Variants in SHC4 observed in about 807,000 individuals in gnomAD.
SHC4 encodes the protein SHC-transforming protein 4.
In SHC4, 41 loss-of-function variants were observed where a neutral mutation model predicts 69.4. The observed-to-expected ratio is 0.59, with a 90% CI of 0.46 to 0.77. The LOEUF is 0.77. Ranked by LOEUF, SHC4 falls within the 30% of genes least tolerant of loss-of-function variation. SHC4 has a pLI of 0.00. For synonymous variants in SHC4, 318 were observed against 299.3 expected, an observed-to-expected ratio of 1.06 and a Z score of -0.64; for missense variants, 777 against 783.8, an observed-to-expected ratio of 0.99 and a Z score of 0.10.
chr15:48,910,310 T>C (rs1463208702), intron 2 of SHC4, among the ~76,000 whole-genome samples: 2 of 152,136 alleles, frequency 1.3e-5, no homozygotes, highest in Non-Finnish European at 2.9e-5. Context: ...TTTCCAGGAA[T>C]GTATCTATCT....
intron 1 of SHC4, among the ~76,000 whole-genome samples, chr15:48,953,148 T>C (rs1053193235): frequency 4.6e-5 from 7 of 152,206 alleles, no homozygotes; most frequent in African/African-American, 1.7e-4. Flanking sequence ...CCATTATCCT[T>C]AGCAAACTAA....
At position 48,825,028 on chromosome 15, in the gene SHC4, A is replaced by C. The variant is rs1898658833; in HGVS notation, c.*943T>G. On this transcript the variant is annotated 3_prime_UTR_variant, in exon 12 of 12. Transcript: ENST00000332408. ...GATTCAGTGTCAGCCAATCAAGAAGAAATTTTACTATAATTTCAAATAGAT... is the reference window on the plus strand; with the variant it reads ...GATTCAGTGTCAGCCAATCAAGAAGCAATTTTACTATAATTTCAAATAGAT... 6.6e-6 allele frequency: 1 copy of C among 152,634 alleles called. No individual in the cohort carries two copies. Among genetic ancestry groups the C allele is most frequent in the Non-Finnish European group, 1.5e-5 (1 of 68,040 alleles). The allele number at this position is 152,634 out of a possible 1,614,324, so 9.5% of individuals were successfully genotyped here. A position where few individuals can be genotyped will look rare whatever the true frequency, so the allele number is the denominator to read the frequency against.
intron 1 of SHC4, among the ~76,000 whole-genome samples, chr15:48,944,277 T>G (rs906585709): frequency 2.0e-5 from 3 of 151,844 alleles, no homozygotes; most frequent in Admixed American, 2.0e-4. Context: ...TTTGTTCCTT[T>G]TCCTTTCCCT....
At chr15:48,826,792 C>T (rs922445452) in intron 11 of SHC4, among the ~76,000 whole-genome samples, 2 of 152,196 alleles carry the variant, frequency 1.3e-5, no homozygotes, top group Admixed American at 6.5e-5. Flanking sequence ...CTGTCAGAAG[C>T]AGGCCTTTCT....
chr15:48,866,241 C>T (rs1365520269), intron 6 of SHC4, among the ~76,000 whole-genome samples: 1 of 152,116 alleles, frequency 6.6e-6, no homozygotes, highest in Non-Finnish European at 1.5e-5. Flanking sequence ...TGCCCTGTTC[C>T]TACATTCCCA....
rs1369911193 is a variant in SHC4, at chr15:48,824,971, G to C, written c.*1000C>G. 3.3e-5 allele frequency: 5 copies of C among 152,176 alleles called. No homozygotes were observed. The highest frequency in any genetic ancestry group is 4.8e-5 in the African/African-American group (2 of 41,292). The allele number at this position is 152,176 out of a possible 1,614,324, so 9.4% of individuals were successfully genotyped here. A position where few individuals can be genotyped will look rare whatever the true frequency, so the allele number is the denominator to read the frequency against. On this transcript the variant is annotated 3_prime_UTR_variant, in exon 12 of 12. Coordinates refer to ENST00000332408, the MANE Select transcript of SHC4 (RefSeq NM_203349.4). ...ATTTTGTCTGATCATATCTATACGA[G>C]GTGCTAAGGATATATGTAGGTGAGA...
At chr15:48,924,370 C>T (rs1198508923) in intron 2 of SHC4, among the ~76,000 whole-genome samples, 1 of 152,184 alleles carries the variant, frequency 6.6e-6, no homozygotes, top group Non-Finnish European at 1.5e-5. Context: ...CTGATTTCTT[C>T]CCCTAAGCTC....
In SHC4 at chr15:48,838,141, ATGTT is replaced by A. The variant is rs1898930815; in HGVS notation, c.1484-3123_1484-3120del. On this transcript the variant is annotated intron_variant, in intron 10 of 11. Coordinates refer to ENST00000332408, the MANE Select transcript of SHC4 (RefSeq NM_203349.4). ...AGCAATTTAAAATAGTGAAGATTGTATGTTTATACAGACACATTTCTAAAAGAGA... is the reference window on the plus strand; with the variant it reads ...AGCAATTTAAAATAGTGAAGATTGTATATACAGACACATTTCTAAAAGAGA... Among the ~76,000 whole-genome samples the A allele has an allele frequency of 3.3e-5, 5 of 152,376 alleles. No individual in the cohort carries two copies. In the South Asian group the frequency reaches 1.0e-3, roughly 32 times the overall value.
At chr15:48,957,065 C>A (rs1901469393) in intron 1 of SHC4, among the ~76,000 whole-genome samples, 1 of 148,358 alleles carries the variant, frequency 6.7e-6, no homozygotes, top group African/African-American at 2.5e-5. Context: ...ACAATCTCCA[C>A]TTCCCAGGTT....
Position 48,836,087 on chromosome 15 carries a change from G to C in SHC4, c.1484-1065C>G, listed in dbSNP as rs565820026. ...ACGTGCCTGCAGTCCCAGCTACTTGGGGGGCTGAGACAAGAGAATCGCTTA... is the reference window on the plus strand; with the variant it reads ...ACGTGCCTGCAGTCCCAGCTACTTGCGGGGCTGAGACAAGAGAATCGCTTA... On this transcript the variant is annotated intron_variant, in intron 10 of 11. Coordinates refer to ENST00000332408, the MANE Select transcript of SHC4 (RefSeq NM_203349.4). 3.0e-3 allele frequency among the ~76,000 whole-genome samples: 459 copies of C among 151,470 alleles called. 2 individuals are homozygous for C. Among genetic ancestry groups the C allele is most frequent in the Non-Finnish European group, 4.6e-3 (309 of 67,912 alleles).
In SHC4 at chr15:48,863,119, T is replaced by C. The variant is rs183746162; in HGVS notation, c.946+4699A>G. ...TTTCTGATTTCATTATTTTAAAACA[T>C]TTATTCAAAGGTTTTGGATATTTTT... On this transcript the variant is annotated intron_variant, in intron 6 of 11. Coordinates refer to ENST00000332408, the MANE Select transcript of SHC4 (RefSeq NM_203349.4). 5.8e-4 allele frequency among the ~76,000 whole-genome samples: 85 copies of C among 147,334 alleles called. No individual in the cohort carries two copies. The East Asian group carries it at 0.017, about 29-fold the overall frequency.
At chr15:48,888,767 T>C (rs1046335773) in intron 3 of SHC4, among the ~76,000 whole-genome samples, 11 of 151,216 alleles carry the variant, frequency 7.3e-5, no homozygotes, top group African/African-American at 2.4e-4. Context: ...TGGTGGCACA[T>C]GATTGCAATC....
intron 2 of SHC4, among the ~76,000 whole-genome samples, chr15:48,912,126 T>C: frequency 6.6e-6 from 1 of 152,234 alleles, no homozygotes; most frequent in Admixed American, 6.5e-5. Flanking sequence ...TTTGGATGTC[T>C]AGGTCTCTAG....
At chr15:48,893,590 T>C (rs896454384) in intron 2 of SHC4, among the ~76,000 whole-genome samples, 20 of 152,294 alleles carry the variant, frequency 1.3e-4, no homozygotes, top group Admixed American at 1.2e-3. Context: ...GGAGAAATCA[T>C]TTGGCTTTTT....
intron 6 of SHC4, among the ~76,000 whole-genome samples, chr15:48,861,859 G>C (rs571811115): frequency 2.0e-5 from 3 of 152,312 alleles, no homozygotes; most frequent in Middle Eastern, 3.4e-3. Context: ...TCATAAACAA[G>C]AGGATTACAA....
In SHC4 at chr15:48,902,305, T is replaced by G. The variant is rs116925037; in HGVS notation, c.657-11494A>C. Among the ~76,000 whole-genome samples, 1,399 of 152,234 alleles carry G rather than the reference T, an allele frequency of 9.2e-3. 57 individuals carry two copies. The highest frequency in any genetic ancestry group is 0.077 in the Admixed American group (1,171 of 15,286). ...TAACTGGAATGCTATAGTTAATATG[T>G]TATATAGTAGGTCAAATTATGTCTA... On this transcript the variant is annotated intron_variant, in intron 2 of 11. Coordinates refer to ENST00000332408, the MANE Select transcript of SHC4 (RefSeq NM_203349.4).
chr15:48,850,538 C>A (rs1444437385), intron 9 of SHC4, among the ~76,000 whole-genome samples: 1 of 152,134 alleles, frequency 6.6e-6, no homozygotes, highest in African/African-American at 2.4e-5. Flanking sequence ...TCTAAAACTG[C>A]AAAACTTTCC....
chr15:48,927,233 T>C (rs1163444807), intron 1 of SHC4, among the ~76,000 whole-genome samples: 1 of 152,184 alleles, frequency 6.6e-6, no homozygotes, highest in Non-Finnish European at 1.5e-5. Flanking sequence ...TTTTGGTACC[T>C]TCCAGCGCCC....
At chr15:48,835,651 A>G (rs948618397) in intron 10 of SHC4, among the ~76,000 whole-genome samples, 4 of 152,158 alleles carry the variant, frequency 2.6e-5, no homozygotes, top group Non-Finnish European at 5.9e-5. Context: ...ATCATCAGGG[A>G]GGAACAGCCC....
Sources: gnomAD v4.1 joint callset for allele counts (sites outside exome capture counted in the v4.1 genomes callset) on GRCh38, gnomAD v4.1.1 for gene constraint, MANE v1.5 for transcripts, NCBI Gene and HGNC (gene_info 2026-07-23, HGNC 2026-07-21) for gene names.